KLHL29: variants seen among roughly 807,000 people sequenced by gnomAD.
The protein encoded by KLHL29 is kelch like family member 29.
KLHL29 carries 21 observed loss-of-function variants against 80.4 expected under a neutral mutation model. The ratio of observed to expected loss-of-function variants is 0.26; its 90% CI spans 0.19 to 0.38. The LOEUF (loss-of-function observed/expected upper bound fraction) is 0.38. Ranked by LOEUF, KLHL29 falls within the 10% of genes least tolerant of loss-of-function variation. The pLI is 1.00. For missense variants in KLHL29, 867 were observed against 1,223.9 expected, an observed-to-expected ratio of 0.71 and a Z score of 4.35; for synonymous variants, 511 against 526.8, an observed-to-expected ratio of 0.97 and a Z score of 0.41.
At chr2:23,548,191 G>C (rs1469792275) in intron 2 of KLHL29, among the ~76,000 whole-genome samples, 1 of 152,186 alleles carries the variant, frequency 6.6e-6, no homozygotes, top group Non-Finnish European at 1.5e-5. Flanking sequence ...ATTTTGCTAA[G>C]ATGAATTCAG....
chr2:23,490,895 G>A lies in KLHL29; in HGVS notation c.-46+15228G>A, dbSNP rs890226213. ...AGTTGCCAGCTGTGGTGGTCCAGGA[G>A]GCTGGGCTGAACCCTAGCCCTCTTT... On this transcript the variant is annotated intron_variant, in intron 2 of 13. Coordinates refer to ENST00000486442, the MANE Select transcript of KLHL29 (RefSeq NM_052920.2). Among the ~76,000 whole-genome samples the A allele has an allele frequency of 2.0e-5, 3 of 152,172 alleles. No individual in the cohort carries two copies. The South Asian group carries it at 6.2e-4, about 32-fold the overall frequency.
At chr2:23,491,316 G>C (rs1275810427) in intron 2 of KLHL29, among the ~76,000 whole-genome samples, 1 of 152,120 alleles carries the variant, frequency 6.6e-6, no homozygotes, top group Non-Finnish European at 1.5e-5. Flanking sequence ...TCCTACCCTG[G>C]GAGCTCAGAT....
Position 23,696,012 on chromosome 2 carries a change from G to A in KLHL29, c.1803G>A (p.Ser601=), listed in dbSNP as rs747300051. ...GRQMVGMTQR[S]LVAVTCWNPQ... ...AGATGGTGGGGATGACCCAGCGCTC[G>A]CTGGTGGCCGTCACCTGCTGGAACC... is the stretch of plus-strand genomic sequence containing the variant. Residue 601 remains serine, a synonymous_variant, in exon 10 of 14, where the codon TCG becomes TCA. Coordinates refer to ENST00000486442, the MANE Select transcript of KLHL29 (RefSeq NM_052920.2). This position sits in a 1 kb window ranked among gnomAD's most constrained non-coding sequence, Gnocchi z 5.5. 32 of 1,551,588 alleles carry A rather than the reference G, an allele frequency of 2.1e-5. No individual in the cohort carries two copies. Among genetic ancestry groups the A allele is most frequent in the Admixed American group, 3.9e-5 (2 of 50,994 alleles).
intron 1 of KLHL29, among the ~76,000 whole-genome samples, chr2:23,419,508 C>T (rs964989701): frequency 1.3e-5 from 2 of 152,216 alleles, no homozygotes; most frequent in Admixed American, 6.5e-5. Context: ...GTCCCTGTCT[C>T]GCTAGGCTTG....
Position 23,703,187 on chromosome 2 carries a change from TACG to T in KLHL29, c.2110_2112del (p.Asp704del). The stretch of plus-strand genomic sequence containing the variant: ...GGCTCTTTTTCTCCTCTCCTGCAGG[TACG>T]ACACCATCACCAACCAATGGGAGGC... On this transcript the variant is annotated inframe_deletion and splice_region_variant, in exon 12 of 14. Transcript: ENST00000486442. 1 of 1,441,230 alleles carries T rather than the reference TACG, an allele frequency of 6.9e-7. No individual in the cohort carries two copies. Among genetic ancestry groups the T allele is most frequent in the Non-Finnish European group, 9.2e-7 (1 of 1,091,640 alleles). The allele number at this position is 1,441,230 out of a possible 1,614,324, so 89.3% of individuals were successfully genotyped here. A position where few individuals can be genotyped will look rare whatever the true frequency, so the allele number is the denominator to read the frequency against.
chr2:23,493,083 C>T (rs1182675198), intron 2 of KLHL29, among the ~76,000 whole-genome samples: 1 of 152,246 alleles, frequency 6.6e-6, no homozygotes, highest in African/African-American at 2.4e-5. Context: ...TAACATCTCA[C>T]AGCCCTGTCG....
At chr2:23,466,173 A>G (rs1434017677) in intron 1 of KLHL29, among the ~76,000 whole-genome samples, 1 of 152,296 alleles carries the variant, frequency 6.6e-6, no homozygotes, top group Middle Eastern at 3.4e-3. Context: ...CGCTGGGGTA[A>G]TTGCAAGATG....
intron 3 of KLHL29, among the ~76,000 whole-genome samples, chr2:23,602,454 G>T (rs191481252): frequency 6.6e-5 from 10 of 152,224 alleles, no homozygotes; most frequent in Admixed American, 4.6e-4. Flanking sequence ...TACCCTGGAA[G>T]CTCTTCCTCA....
chr2:23,578,786 C>T (rs147952859), intron 3 of KLHL29, among the ~76,000 whole-genome samples: 35 of 152,324 alleles, frequency 2.3e-4, no homozygotes, highest in Admixed American at 2.0e-3. Flanking sequence ...TTCTTTTCCA[C>T]GGTCGTATAT....
Position 23,385,373 on chromosome 2 carries a change from AGC to A in KLHL29, c.-560_-559del, listed in dbSNP as rs1367804662. ...GAGCGCAGCCCCCGCCCGGAGCCCG[AGC>A]CGCGAGCCCGGAGCCAGCCCCAGCC... On this transcript the variant is annotated 5_prime_UTR_variant, in exon 1 of 14. Transcript: ENST00000486442. 1.4e-5 allele frequency: 2 copies of A among 146,098 alleles called. No individual in the cohort carries two copies. The highest frequency in any genetic ancestry group is 3.1e-5 in the Non-Finnish European group (2 of 65,396). 9.1% of individuals were successfully genotyped at this position (146,098 alleles called of 1,614,324 possible).
rs1668185429 is a variant in KLHL29 at position 23,588,961 on chromosome 2, A to G, written c.285+26480A>G. Among the ~76,000 whole-genome samples the G allele has an allele frequency of 2.0e-5, 3 of 152,356 alleles. No homozygotes were observed. In the South Asian group the frequency reaches 6.2e-4, roughly 32 times the overall value. ...ATTTCAGACACCGGGCCTCCCGGCC[A>G]CATCCTCACTGCCTCACTCACGCGT... is the stretch of plus-strand genomic sequence containing the variant. On this transcript the variant is annotated intron_variant, in intron 3 of 13. Coordinates refer to ENST00000486442, the MANE Select transcript of KLHL29 (RefSeq NM_052920.2).
chr2:23,558,683 C>T (rs1206216549), intron 2 of KLHL29, among the ~76,000 whole-genome samples: 1 of 152,208 alleles, frequency 6.6e-6, no homozygotes, highest in Non-Finnish European at 1.5e-5. Flanking sequence ...GGATTACAGG[C>T]GTGAGCCCCC....
intron 1 of KLHL29, among the ~76,000 whole-genome samples, chr2:23,405,819 C>T (rs1301568915): frequency 6.6e-6 from 1 of 152,082 alleles, no homozygotes; most frequent in African/African-American, 2.4e-5. Context: ...GGAGGTCAAG[C>T]AGAATGGGCT....
intron 3 of KLHL29, among the ~76,000 whole-genome samples, chr2:23,580,070 A>G (rs549717601): frequency 6.6e-6 from 1 of 152,286 alleles, no homozygotes; most frequent in East Asian, 1.9e-4. Context: ...AAGAAATTCC[A>G]CGTAAAAAAT....
At chr2:23,677,105 A>T (rs369492783) in intron 5 of KLHL29, among the ~76,000 whole-genome samples, 1 of 152,246 alleles carries the variant, frequency 6.6e-6, no homozygotes, top group African/African-American at 2.4e-5. Flanking sequence ...AAAAATGTTA[A>T]GGAGAAAAAT....
At chr2:23,473,329 G>A (rs1664547575) in intron 1 of KLHL29, among the ~76,000 whole-genome samples, 2 of 152,108 alleles carry the variant, frequency 1.3e-5, no homozygotes, top group South Asian at 2.1e-4. Flanking sequence ...CCTGGGAGAG[G>A]TGGGGAAGAA....
At chr2:23,686,823 A>C (rs1671282001) in intron 6 of KLHL29, among the ~76,000 whole-genome samples, 1 of 152,182 alleles carries the variant, frequency 6.6e-6, no homozygotes, top group Non-Finnish European at 1.5e-5. Flanking sequence ...CAGTAAGGTC[A>C]CACAGGAAAA....
At chr2:23,480,407 A>G (rs1343404873) in intron 2 of KLHL29, among the ~76,000 whole-genome samples, 2 of 152,168 alleles carry the variant, frequency 1.3e-5, no homozygotes, top group Non-Finnish European at 2.9e-5. Context: ...GAGTTGCTTG[A>G]AAGTGGGAGG....
chr2:23,532,506 G>C, intron 2 of KLHL29: 1 of 451,948 alleles, frequency 2.2e-6, no homozygotes, highest in Non-Finnish European at 4.5e-6. Context: ...GAGCTTTGTG[G>C]GATGTGCATC....
Sources: gnomAD v4.1 joint callset for allele counts (sites outside exome capture counted in the v4.1 genomes callset) on GRCh38, gnomAD v4.1.1 for gene constraint, Gnocchi (gnomAD v3.1) non-coding constraint, MANE v1.5 for transcripts, NCBI Gene and HGNC (gene_info 2026-07-23, HGNC 2026-07-21) for gene names.